ATRNL1: variants seen among roughly 807,000 people sequenced by gnomAD.
ATRNL1 encodes attractin-like protein 1.
In ATRNL1, 95 loss-of-function variants were observed where a neutral mutation model predicts 182.7. That is an observed-to-expected ratio of 0.52 (90% CI 0.44 to 0.62). ATRNL1 has a LOEUF of 0.62. Ranked by LOEUF, ATRNL1 falls within the 20% of genes least tolerant of loss-of-function variation. ATRNL1 has a pLI of 0.00. For synonymous variants in ATRNL1, 576 were observed against 568.3 expected, an observed-to-expected ratio of 1.01 and a Z score of -0.19; for missense variants, 1,471 against 1,679.5, an observed-to-expected ratio of 0.88 and a Z score of 2.17.
At chr10:115,438,053 T>A (rs2134436036) in intron 21 of ATRNL1, among the ~76,000 whole-genome samples, 1 of 152,088 alleles carries the variant, frequency 6.6e-6, no homozygotes, top group East Asian at 1.9e-4. Context: ...ATTAACTGAA[T>A]CATTAACTCA....
At chr10:115,417,863 A>G (rs1221153104) in intron 20 of ATRNL1, among the ~76,000 whole-genome samples, 3 of 152,142 alleles carry the variant, frequency 2.0e-5, no homozygotes, top group African/African-American at 7.2e-5. Context: ...TCTAGTGTTT[A>G]GGGAGTTGCA....
intron 26 of ATRNL1, among the ~76,000 whole-genome samples, chr10:115,685,808 A>G (rs1946199270): frequency 6.6e-6 from 1 of 151,736 alleles, no homozygotes; most frequent in Non-Finnish European, 1.5e-5. Flanking sequence ...CCAAGAATAC[A>G]ATTGATGCCT....
At chr10:115,513,681 T>G (rs1205745584) in intron 24 of ATRNL1, among the ~76,000 whole-genome samples, 15 of 151,978 alleles carry the variant, frequency 9.9e-5, no homozygotes, top group Admixed American at 6.6e-4. Flanking sequence ...TGCCTTCCAT[T>G]TCCATAATTA....
At chr10:115,734,496 T>C (rs1364842995) in intron 27 of ATRNL1, among the ~76,000 whole-genome samples, 1 of 152,142 alleles carries the variant, frequency 6.6e-6, no homozygotes, top group African/African-American at 2.4e-5. Context: ...AATCCTTTTC[T>C]ATTTTAATAG....
intron 28 of ATRNL1, among the ~76,000 whole-genome samples, chr10:115,921,900 C>T (rs1032000058): frequency 3.3e-5 from 5 of 152,138 alleles, no homozygotes; most frequent in Admixed American, 3.3e-4. Flanking sequence ...TGTGACTAAT[C>T]GAGAGTTAAC....
intron 20 of ATRNL1, among the ~76,000 whole-genome samples, chr10:115,422,768 G>C (rs649292): frequency 0.74 from 113,058 of 152,122 alleles, 43,289 homozygotes; most frequent in African/African-American, 0.85. Flanking sequence ...AACACTGAAG[G>C]AGAAAACCAA....
At chr10:115,515,872 T>A (rs1407296165) in intron 24 of ATRNL1, among the ~76,000 whole-genome samples, 2 of 151,914 alleles carry the variant, frequency 1.3e-5, no homozygotes, top group South Asian at 4.1e-4. Context: ...ACTTTCTTCT[T>A]GCAACATTTC....
intron 27 of ATRNL1, among the ~76,000 whole-genome samples, chr10:115,736,973 T>C (rs1038638637): frequency 7.2e-5 from 11 of 151,902 alleles, no homozygotes; most frequent in South Asian, 6.2e-4. Context: ...ACCGTGTGAG[T>C]TGCTCATATT....
At chr10:115,474,298 G>A (rs1554972675) in intron 24 of ATRNL1, among the ~76,000 whole-genome samples, 1 of 151,322 alleles carries the variant, frequency 6.6e-6, no homozygotes, top group Non-Finnish European at 1.5e-5. Context: ...CACCTGTGAG[G>A]TTTCTGCTGA....
chr10:115,266,316 C>T (rs1851606437), intron 11 of ATRNL1, among the ~76,000 whole-genome samples: 1 of 151,568 alleles, frequency 6.6e-6, no homozygotes, highest in African/African-American at 2.4e-5. Context: ...ATAAGAAGAA[C>T]TCGGTATCTA....
At chr10:115,580,554 T>G (rs1159823470) in intron 26 of ATRNL1, among the ~76,000 whole-genome samples, 9 of 152,142 alleles carry the variant, frequency 5.9e-5, no homozygotes, top group Non-Finnish European at 1.5e-5. Context: ...AATTACAATG[T>G]GTTTCAGTGT....
chr10:115,534,872 G>A (rs184063296), intron 25 of ATRNL1, among the ~76,000 whole-genome samples: 2 of 151,918 alleles, frequency 1.3e-5, no homozygotes, highest in South Asian at 4.2e-4. Flanking sequence ...ATGAAGCTTA[G>A]TTTGGCTGGA....
chr10:115,423,129 G>T (rs1293948438), intron 20 of ATRNL1, among the ~76,000 whole-genome samples: 4 of 152,150 alleles, frequency 2.6e-5, no homozygotes, highest in African/African-American at 4.8e-5. Context: ...AAATCCGTGA[G>T]GTGATGGATG....
chr10:115,772,833 TA>T (rs781862328), intron 27 of ATRNL1, among the ~76,000 whole-genome samples: 3 of 152,164 alleles, frequency 2.0e-5, no homozygotes, highest in Admixed American at 6.5e-5. Flanking sequence ...TTTTGCAGGC[TA>T]AATCAGACCT....
intron 24 of ATRNL1, among the ~76,000 whole-genome samples, chr10:115,514,124 A>G (rs879970513): frequency 9.9e-5 from 15 of 152,010 alleles, no homozygotes; most frequent in Non-Finnish European, 2.1e-4. Flanking sequence ...GAGGTCTTCA[A>G]TCAGTACTTT....
intron 27 of ATRNL1, among the ~76,000 whole-genome samples, chr10:115,728,298 C>CAAAAA (rs58437496): frequency 5.1e-5 from 3 of 58,778 alleles, no homozygotes; most frequent in Non-Finnish European, 8.5e-5. Flanking sequence ...GACTCCGCCT[C>CAAAAA]AAAAAAAAAA....
At chr10:115,478,094 T>C (rs1051370071) in intron 24 of ATRNL1, among the ~76,000 whole-genome samples, 1 of 151,740 alleles carries the variant, frequency 6.6e-6, no homozygotes. Flanking sequence ...TCACAGTCTT[T>C]CCATTTCTTC....
intron 22 of ATRNL1, among the ~76,000 whole-genome samples, chr10:115,466,018 C>T (rs1479091545): frequency 3.3e-5 from 5 of 151,368 alleles, no homozygotes; most frequent in African/African-American, 9.7e-5. Flanking sequence ...GGGGCTTATA[C>T]GTCTGTCAAA....
chr10:115,195,135 A>T (rs146314695), intron 8 of ATRNL1, among the ~76,000 whole-genome samples: 2 of 151,888 alleles, frequency 1.3e-5, no homozygotes, highest in Non-Finnish European at 1.5e-5. Context: ...TGAGTGCTTT[A>T]TGTATTTCAG....
Sources: allele counts gnomAD v4.1 joint callset (sites outside exome capture counted in the v4.1 genomes callset), GRCh38; gene constraint gnomAD v4.1.1; transcripts MANE v1.5; gene names NCBI Gene and HGNC (gene_info 2026-07-23, HGNC 2026-07-21).